The following EPHA6 variants were observed in gnomAD, a reference collection of about 807,000 sequenced individuals.
EPHA6 encodes the protein ephrin type-A receptor 6.
A neutral mutation model predicts 112.0 loss-of-function variants in EPHA6; 50 were observed. The ratio of observed to expected loss-of-function variants is 0.45; its 90% CI spans 0.36 to 0.56. The LOEUF is 0.56. EPHA6 is among the 20% of genes least tolerant of loss of function. The pLI, the probability that EPHA6 is intolerant of heterozygous loss-of-function variation, is 0.00. For synonymous variants in EPHA6, 529 were observed against 490.7 expected, an observed-to-expected ratio of 1.08 and a Z score of -1.03; for missense variants, 1,280 against 1,417.4, an observed-to-expected ratio of 0.90 and a Z score of 1.56.
chr3:97,554,040 T>A (rs1431414864), intron 11 of EPHA6, among the ~76,000 whole-genome samples: 1 of 152,176 alleles, frequency 6.6e-6, no homozygotes, highest in African/African-American at 2.4e-5. Context: ...TGAAAGAAAG[T>A]ACATTATTAA....
chr3:97,739,210 A>T (rs2035399623), intron 16 of EPHA6, among the ~76,000 whole-genome samples: 1 of 152,074 alleles, frequency 6.6e-6, no homozygotes, highest in Admixed American at 6.6e-5. Flanking sequence ...TATCTCTCAA[A>T]CCTGAAAAGG....
chr3:97,405,890 C>T (rs2087310461), intron 6 of EPHA6, among the ~76,000 whole-genome samples: 1 of 151,952 alleles, frequency 6.6e-6, no homozygotes, highest in South Asian at 2.1e-4. Context: ...CCATTATATA[C>T]TTTATTCCCT....
intron 15 of EPHA6, among the ~76,000 whole-genome samples, chr3:97,731,037 T>C (rs1906062): frequency 0.98 from 149,362 of 152,190 alleles, 73,313 homozygotes; most frequent in East Asian, 0.99. Context: ...GCTTTCATTG[T>C]ATCGTGGGGG....
At chr3:96,892,514 G>A (rs1445363051) in intron 2 of EPHA6, among the ~76,000 whole-genome samples, 13 of 152,046 alleles carry the variant, frequency 8.6e-5, no homozygotes, top group African/African-American at 2.7e-4. Context: ...GAATCACTGC[G>A]CCTGGCCAAA....
intron 1 of EPHA6, among the ~76,000 whole-genome samples, chr3:96,844,175 A>G (rs1010556128): frequency 6.6e-6 from 1 of 151,998 alleles, no homozygotes; most frequent in Non-Finnish European, 1.5e-5. Flanking sequence ...TTAAATGTTC[A>G]TTCTAATCTT....
chr3:96,939,382 G>A (rs1206102077), intron 2 of EPHA6, among the ~76,000 whole-genome samples: 1 of 152,194 alleles, frequency 6.6e-6, no homozygotes, highest in African/African-American at 2.4e-5. Context: ...AGATTTTCTA[G>A]TTTATTTGCG....
intron 13 of EPHA6, among the ~76,000 whole-genome samples, chr3:97,615,483 C>T (rs1382138055): frequency 3.9e-5 from 6 of 152,104 alleles, no homozygotes; most frequent in Non-Finnish European, 4.4e-5. Flanking sequence ...GTCTGCAGGC[C>T]CCACCTCCAC....
At chr3:96,940,715 A>G (rs1011472746) in intron 2 of EPHA6, among the ~76,000 whole-genome samples, 2 of 152,102 alleles carry the variant, frequency 1.3e-5, no homozygotes, top group African/African-American at 4.8e-5. Context: ...ACAATTTGGC[A>G]TGTTTTTGTA....
intron 6 of EPHA6, among the ~76,000 whole-genome samples, chr3:97,419,994 C>A (rs548785717): frequency 6.6e-6 from 1 of 152,006 alleles, no homozygotes; most frequent in East Asian, 1.9e-4. Flanking sequence ...CCAAAAAAAA[C>A]CTGATTTTTA....
intron 1 of EPHA6, among the ~76,000 whole-genome samples, chr3:96,855,052 T>C (rs920717541): frequency 6.6e-6 from 1 of 152,146 alleles, no homozygotes; most frequent in Admixed American, 6.6e-5. Context: ...CCCTTTTTAA[T>C]GTCTGGAGAC....
At chr3:97,452,160 A>T (rs1049472808) in intron 7 of EPHA6, among the ~76,000 whole-genome samples, 2 of 151,894 alleles carry the variant, frequency 1.3e-5, no homozygotes, top group African/African-American at 2.4e-5. Context: ...ACCCTCTTGC[A>T]CTTAGAGACC....
chr3:96,852,985 C>T (rs753406092), intron 1 of EPHA6, among the ~76,000 whole-genome samples: 54 of 152,010 alleles, frequency 3.6e-4, no homozygotes, highest in Admixed American at 3.2e-3. Context: ...TTGCTACTTA[C>T]CCCGTGGTCA....
rs141951989 is a variant in EPHA6, at chr3:96,855,344, C to T, written c.386-11481C>T. 2.3e-3 allele frequency among the ~76,000 whole-genome samples: 349 copies of T among 152,214 alleles called. 2 individuals carry two copies. Among genetic ancestry groups the T allele is most frequent in the African/African-American group, 8.2e-3 (341 of 41,550 alleles). On this transcript the variant is annotated intron_variant, in intron 1 of 17. Transcript: ENST00000389672. ...TAGGTTCCTAGGATCAGGATATGGACAACCTGGGAGACAGACATATTATTC... is the reference window on the plus strand; with the variant it reads ...TAGGTTCCTAGGATCAGGATATGGATAACCTGGGAGACAGACATATTATTC...
chr3:97,131,592 G>T (rs750327259), intron 3 of EPHA6, among the ~76,000 whole-genome samples: 1 of 152,058 alleles, frequency 6.6e-6, no homozygotes, highest in African/African-American at 2.4e-5. Flanking sequence ...ATTCTTCCAA[G>T]AAAGGATAAT....
rs1313661532 is a variant in EPHA6 at position 97,753,606 on chromosome 3, G to A, written c.*4905G>A. Among the ~76,000 whole-genome samples the A allele has an allele frequency of 4.6e-5, 7 of 152,074 alleles. No individual in the cohort carries two copies. The highest frequency in any genetic ancestry group is 3.9e-4 in the Admixed American group (6 of 15,262). ...ATTCACTACCTCAAAGGTGCCTCCTGTTAGAAAACATTAGCTTTTTTTCAA... is the reference window on the plus strand; with the variant it reads ...ATTCACTACCTCAAAGGTGCCTCCTATTAGAAAACATTAGCTTTTTTTCAA... On this transcript the variant is annotated 3_prime_UTR_variant, in exon 18 of 18. Transcript: ENST00000389672.
intron 10 of EPHA6, among the ~76,000 whole-genome samples, chr3:97,516,841 A>T (rs1017728001): frequency 4.6e-5 from 7 of 152,150 alleles, no homozygotes; most frequent in African/African-American, 1.2e-4. Context: ...CATATTGGAA[A>T]ATTTCTTGAC....
intron 11 of EPHA6, among the ~76,000 whole-genome samples, chr3:97,543,109 A>G (rs1193856466): frequency 6.6e-6 from 1 of 152,082 alleles, no homozygotes; most frequent in Non-Finnish European, 1.5e-5. Context: ...ACTAGATCCC[A>G]TTTGTCAATT....
chr3:97,044,233 G>A (rs918289851), intron 3 of EPHA6, among the ~76,000 whole-genome samples: 2 of 152,014 alleles, frequency 1.3e-5, no homozygotes, highest in East Asian at 1.9e-4. Context: ...TGTTTCTTTA[G>A]CATCTTGTTT....
chr3:97,286,048 G>A (rs1366799018), intron 5 of EPHA6, among the ~76,000 whole-genome samples: 1 of 152,066 alleles, frequency 6.6e-6, no homozygotes, highest in East Asian at 1.9e-4. Context: ...AGAAATGTCT[G>A]TTTATCCCTT....
Sources: gnomAD v4.1 joint callset for allele counts (sites outside exome capture counted in the v4.1 genomes callset) on GRCh38, gnomAD v4.1.1 for gene constraint, MANE v1.5 for transcripts, NCBI Gene and HGNC (gene_info 2026-07-23, HGNC 2026-07-21) for gene names.